The following NCALD variants were observed in gnomAD, a reference collection of about 807,000 sequenced individuals.
NCALD encodes the protein neurocalcin delta, also known as neurocalcin-delta.
Under a neutral mutation model 18.6 loss-of-function variants are expected in NCALD, and 10 were observed. The ratio of observed to expected loss-of-function variants is 0.54; its 90% CI spans 0.33 to 0.91. The LOEUF (loss-of-function observed/expected upper bound fraction) is 0.91. Among genes scored for constraint, NCALD ranks in the 40% least tolerant of loss-of-function variants. The pLI, the probability that NCALD is intolerant of heterozygous loss-of-function variation, is 0.03. For missense variants in NCALD, 184 were observed against 247.6 expected (o/e 0.74, Z 1.72); for synonymous variants, 88 against 87.4 (o/e 1.01, Z -0.04).
chr8:101,853,065 C>T (rs952214976), intron 4 of NCALD, among the ~76,000 whole-genome samples: 2 of 152,124 alleles, frequency 1.3e-5, no homozygotes, highest in African/African-American at 4.8e-5. Flanking sequence ...AAACCCTGGT[C>T]CCATCACTCA....
chr8:102,007,636 TC>T (rs1821758296), intron 2 of NCALD, among the ~76,000 whole-genome samples: 1 of 152,266 alleles, frequency 6.6e-6, no homozygotes, highest in Non-Finnish European at 1.5e-5. Context: ...GAATGATTCA[TC>T]CCTCGACCAG....
intron 2 of NCALD, among the ~76,000 whole-genome samples, chr8:101,943,420 T>C (rs902803285): frequency 6.6e-6 from 1 of 152,222 alleles, no homozygotes; most frequent in Admixed American, 6.5e-5. Context: ...CCGTTCCTCT[T>C]ATCAGGAACC....
chr8:101,821,809 G>GA (rs1219665585), intron 4 of NCALD, among the ~76,000 whole-genome samples: 2 of 146,894 alleles, frequency 1.4e-5, no homozygotes, highest in Non-Finnish European at 3.0e-5. Context: ...ACAAATTGGG[G>GA]AAAAAAACCA....
At chr8:101,938,986 T>C (rs552802142) in intron 2 of NCALD, among the ~76,000 whole-genome samples, 1 of 152,240 alleles carries the variant, frequency 6.6e-6, no homozygotes, top group African/African-American at 2.4e-5. Flanking sequence ...AAGTCTGAGA[T>C]CTATCAGTGC....
intron 4 of NCALD, among the ~76,000 whole-genome samples, chr8:101,821,395 A>T (rs959972412): frequency 3.9e-5 from 6 of 152,198 alleles, no homozygotes; most frequent in Admixed American, 1.3e-4. Context: ...ATAGGTAGGT[A>T]TTATCTCCAT....
At chr8:101,778,995 AG>A (rs753198565) in intron 1 of NCALD, among the ~76,000 whole-genome samples, 2 of 152,172 alleles carry the variant, frequency 1.3e-5, no homozygotes, top group African/African-American at 4.8e-5. Context: ...CTACCTATAA[AG>A]GAATCAAAAT....
intron 1 of NCALD, among the ~76,000 whole-genome samples, chr8:101,787,089 T>TTTA (rs1812257476): frequency 6.6e-6 from 1 of 152,220 alleles, no homozygotes; most frequent in Non-Finnish European, 1.5e-5. Flanking sequence ...TACTACATTT[T>TTTA]GGAATGCTAT....
At chr8:101,715,449 C>T (rs1464721754) in intron 2 of NCALD, among the ~76,000 whole-genome samples, 1 of 151,494 alleles carries the variant, frequency 6.6e-6, no homozygotes. Context: ...ACACCAAAAG[C>T]AATGGTAACA....
chr8:101,814,212 A>G (rs1813411142), intron 4 of NCALD, among the ~76,000 whole-genome samples: 1 of 152,100 alleles, frequency 6.6e-6, no homozygotes, highest in Non-Finnish European at 1.5e-5. Context: ...AAAACTATGA[A>G]CTAATATCTT....
rs188478921 is a variant in NCALD at position 102,117,444 on chromosome 8, T to G, written c.-210+6793A>C. ...GGCCAGAGAGTCCCAGCTACTGTCC[T>G]CGGCATCCGCCAGCTCATGAGAAAT... On this transcript the variant is annotated intron_variant, in intron 1 of 6. Transcript: ENST00000311028. Among the ~76,000 whole-genome samples the G allele has an allele frequency of 2.3e-3, 351 of 152,300 alleles. 3 individuals carry two copies. The highest frequency in any genetic ancestry group is 7.6e-3 in the African/African-American group (315 of 41,568).
intron 2 of NCALD, among the ~76,000 whole-genome samples, chr8:102,010,301 T>C (rs1821860728): frequency 6.6e-6 from 1 of 152,344 alleles, no homozygotes; most frequent in Admixed American, 6.5e-5. Context: ...TACAACTGTC[T>C]TGGTAAATTC....
At chr8:101,849,570 G>A (rs576606900) in intron 4 of NCALD, among the ~76,000 whole-genome samples, 23 of 151,908 alleles carry the variant, frequency 1.5e-4, no homozygotes, top group African/African-American at 5.3e-4. Flanking sequence ...CCATTTTTCC[G>A]ATAGGAAACC....
chr8:101,761,113 TC>T (rs1811091720), intron 1 of NCALD, among the ~76,000 whole-genome samples: 1 of 152,068 alleles, frequency 6.6e-6, no homozygotes, highest in Non-Finnish European at 1.5e-5. Context: ...AGAGAACAAT[TC>T]CACCAGCTTA....
intron 2 of NCALD, among the ~76,000 whole-genome samples, chr8:101,924,491 G>C (rs1586762363): frequency 1.3e-5 from 2 of 152,210 alleles, no homozygotes; most frequent in South Asian, 4.1e-4. Context: ...TCCTCAGGAA[G>C]TGGAAAAGGC....
intron 1 of NCALD, among the ~76,000 whole-genome samples, chr8:102,075,212 A>G (rs1288391692): frequency 3.3e-5 from 5 of 152,258 alleles, no homozygotes; most frequent in Non-Finnish European, 7.3e-5. Flanking sequence ...AACTCACAGC[A>G]AGTGCCACAC....
chr8:101,823,526 C>G (rs901916568), intron 4 of NCALD, among the ~76,000 whole-genome samples: 1 of 151,988 alleles, frequency 6.6e-6, no homozygotes, highest in Non-Finnish European at 1.5e-5. Context: ...TATTTTTGGA[C>G]AATCCTGGCA....
intron 1 of NCALD, among the ~76,000 whole-genome samples, chr8:102,101,173 G>A (rs1193308636): frequency 1.3e-5 from 2 of 152,190 alleles, no homozygotes; most frequent in African/African-American, 2.4e-5. Flanking sequence ...AGAAGGGTGA[G>A]GACCAGTGTG....
intron 4 of NCALD, among the ~76,000 whole-genome samples, chr8:101,856,393 G>C (rs751072649): frequency 4.3e-4 from 65 of 152,050 alleles, no homozygotes; most frequent in Non-Finnish European, 3.5e-4. Flanking sequence ...GGCTGGCCTT[G>C]AACTCTTGGC....
chr8:101,918,842 A>G (rs187660572), intron 2 of NCALD, among the ~76,000 whole-genome samples: 1 of 152,152 alleles, frequency 6.6e-6, no homozygotes, highest in Non-Finnish European at 1.5e-5. Flanking sequence ...AGACATTGCC[A>G]AAAGATATCA....
Sources: allele counts gnomAD v4.1 joint callset (sites outside exome capture counted in the v4.1 genomes callset), GRCh38; gene constraint gnomAD v4.1.1; transcripts MANE v1.5; gene names NCBI Gene and HGNC (gene_info 2026-07-23, HGNC 2026-07-21).